The following RGS5 variants were observed in gnomAD, a reference collection of about 807,000 sequenced individuals.
RGS5 encodes regulator of G protein signaling 5, also known as regulator of G-protein signalling 5.
A neutral mutation model predicts 18.9 loss-of-function variants in RGS5; 20 were observed. The ratio of observed to expected loss-of-function variants is 1.06; its 90% confidence interval spans 0.74 to 1.54. The LOEUF is 1.54. RGS5 is among the 40% of genes most tolerant of loss of function. The probability of loss-of-function intolerance (pLI) is 0.00; values close to 1 mark genes in which losing one functional copy is unlikely to be tolerated. For missense variants in RGS5, 201 were observed against 211.8 expected (o/e 0.95, Z 0.32); for synonymous variants, 57 against 76.2 (o/e 0.75, Z 1.31).
At chr1:163,172,454 C>T (rs1335186920) in intron 1 of RGS5, 1 of 1,296,672 alleles carries the variant, frequency 7.7e-7, no homozygotes, top group Non-Finnish European at 1.1e-6. Context: ...ATCTATATCA[C>T]TGCTTAAATA....
intron 1 of RGS5, among the ~76,000 whole-genome samples, chr1:163,181,702 G>A (rs1658854212): frequency 6.6e-6 from 1 of 152,056 alleles, no homozygotes; most frequent in Admixed American, 6.6e-5. Context: ...CCTTGAGGAT[G>A]GGTGCCTTGT....
chr1:163,152,770 A>G (rs1657424930), intron 3 of RGS5, 54 bp from the exon 4 acceptor site: 8 of 1,481,756 alleles, frequency 5.4e-6, no homozygotes, highest in African/African-American at 1.4e-5. Flanking sequence ...CTTAACAAAT[A>G]TTGTATCCAT....
chr1:163,271,520 A>T (rs1648717271), intron 2 of RGS5, among the ~76,000 whole-genome samples: 1 of 152,194 alleles, frequency 6.6e-6, no homozygotes, highest in Non-Finnish European at 1.5e-5. Context: ...TGAACTCTGC[A>T]GCCTACAGAA....
chr1:163,261,765 G>A (rs778780952), intron 2 of RGS5, among the ~76,000 whole-genome samples: 1 of 152,034 alleles, frequency 6.6e-6, no homozygotes, highest in Non-Finnish European at 1.5e-5. Flanking sequence ...GATAACTGTT[G>A]GCTTATATAG....
chr1:163,217,777 G>C, upstream of RGS5: 1 of 742,448 alleles, frequency 1.3e-6, no homozygotes, highest in Non-Finnish European at 2.0e-6. Flanking sequence ...CGAAACTTCT[G>C]ATATGTGGTT....
At chr1:163,260,795 T>C (rs1021954838) in intron 2 of RGS5, 1 of 152,220 alleles carries the variant, frequency 6.6e-6, no homozygotes, top group African/African-American at 2.4e-5. Flanking sequence ...GCCTGTTTCC[T>C]GTACTAGACT....
At chr1:163,288,090 C>T (rs958431109) in intron 2 of RGS5, among the ~76,000 whole-genome samples, 1 of 151,680 alleles carries the variant, frequency 6.6e-6, no homozygotes, top group Non-Finnish European at 1.5e-5. Flanking sequence ...AATTTAAAAG[C>T]ACACAACAGT....
At chr1:163,307,759 A>G (rs925703457) in intron 1 of RGS5, among the ~76,000 whole-genome samples, 1 of 152,188 alleles carries the variant, frequency 6.6e-6, no homozygotes, top group Non-Finnish European at 1.5e-5. Flanking sequence ...AAAGGAAAGA[A>G]AAGAAGTAAA....
At chr1:163,197,824 A>T (rs973866595) in intron 1 of RGS5, among the ~76,000 whole-genome samples, 1 of 152,042 alleles carries the variant, frequency 6.6e-6, no homozygotes. Flanking sequence ...CTCTGCTAGG[A>T]CCTCTCTCAG....
At chr1:163,204,342 CACAG>C (rs143197240), upstream of RGS5, among the ~76,000 whole-genome samples, 4 of 147,838 alleles carry the variant, frequency 2.7e-5, no homozygotes, top group South Asian at 2.2e-4. Context: ...CACACACACA[CACAG>C]ACACACACGT....
chr1:163,254,966 G>A (rs1053022263), intron 2 of RGS5, among the ~76,000 whole-genome samples: 25 of 151,802 alleles, frequency 1.6e-4, no homozygotes, highest in Admixed American at 7.2e-4. Flanking sequence ...GTAGATATGC[G>A]GCGTTATTTC....
At chr1:163,274,706 G>A (rs1237926614) in intron 2 of RGS5, among the ~76,000 whole-genome samples, 2 of 152,146 alleles carry the variant, frequency 1.3e-5, no homozygotes, top group African/African-American at 2.4e-5. Flanking sequence ...CTAGCTCCAG[G>A]TAGATAGTGT....
chr1:163,213,851 A>G (rs939640984), intron 1 of RGS5, among the ~76,000 whole-genome samples: 1 of 152,120 alleles, frequency 6.6e-6, no homozygotes, highest in Non-Finnish European at 1.5e-5. Flanking sequence ...TTAGCTTTGC[A>G]TCACTCCACC....
At chr1:163,189,841 G>A (rs1260037186) in intron 1 of RGS5, among the ~76,000 whole-genome samples, 2 of 152,166 alleles carry the variant, frequency 1.3e-5, no homozygotes, top group Non-Finnish European at 2.9e-5. Flanking sequence ...AGAAACAGGA[G>A]TCTCATGCAC....
chr1:163,280,603 ATAAAT>A (rs928066031), intron 2 of RGS5, among the ~76,000 whole-genome samples: 1 of 149,648 alleles, frequency 6.7e-6, no homozygotes, highest in African/African-American at 2.5e-5. Flanking sequence ...CACTGAGGAA[ATAAAT>A]TAAGAGCACA....
intron 2 of RGS5, among the ~76,000 whole-genome samples, chr1:163,270,418 G>A (rs1245245047): frequency 6.6e-6 from 1 of 151,248 alleles, no homozygotes; most frequent in Non-Finnish European, 1.5e-5. Flanking sequence ...TACTTGGGAG[G>A]CTGAGGTGGG....
rs375846971 is a variant in RGS5, at chr1:163,159,668, C to T, written c.217+2247G>A. Among the ~76,000 whole-genome samples, 54 of 152,214 alleles carry T rather than the reference C, an allele frequency of 3.5e-4. No homozygotes were observed. In the South Asian group the frequency reaches 0.011, roughly 32 times the overall value. On this transcript the variant is annotated intron_variant, in intron 3 of 4. Transcript: ENST00000313961. ...GCATTGACTAGAATAGTTATAAATG[C>T]TTTCTTATTTGTTGCTTTAGGGAAA...
In RGS5 at chr1:163,143,563, G is replaced by A. The variant is rs1657006746; in HGVS notation, c.*3779C>T. The A allele has an allele frequency of 6.6e-6, 1 of 152,096 alleles. No individual in the cohort carries two copies. Among genetic ancestry groups the A allele is most frequent in the South Asian group, 2.1e-4 (1 of 4,820 alleles). 9.4% of individuals were successfully genotyped at this position (152,096 alleles called of 1,614,324 possible). ...GATGACAAAACTCAGTTTCAACCAA[G>A]CTGAGCTGCTCTTAAATATTTGTAG... is the stretch of plus-strand genomic sequence containing the variant. On this transcript the variant is annotated 3_prime_UTR_variant, in exon 5 of 5. Coordinates refer to ENST00000313961, the MANE Select transcript of RGS5 (RefSeq NM_003617.4).
At chr1:163,289,175 G>A (rs986765038) in intron 2 of RGS5, among the ~76,000 whole-genome samples, 1 of 151,924 alleles carries the variant, frequency 6.6e-6, no homozygotes, top group Admixed American at 6.6e-5. Flanking sequence ...ATGTTGCCCT[G>A]TAAGACTTAG....
Sources: allele counts gnomAD v4.1 joint callset (sites outside exome capture counted in the v4.1 genomes callset), GRCh38; gene constraint gnomAD v4.1.1; transcripts MANE v1.5; gene names NCBI Gene and HGNC (gene_info 2026-07-23, HGNC 2026-07-21).